NKAIN3: variants seen among roughly 807,000 people sequenced by gnomAD.
NKAIN3 encodes the protein sodium/potassium-transporting ATPase subunit beta-1-interacting protein 3.
Under a neutral mutation model 30.2 loss-of-function variants are expected in NKAIN3, and 25 were observed. That is an observed-to-expected ratio of 0.83 (90% CI 0.60 to 1.16). The LOEUF is 1.16. Among genes scored for constraint, NKAIN3 ranks in the 50% most tolerant of loss-of-function variants. The pLI is 0.00. For synonymous variants in NKAIN3, 91 were observed against 89.6 expected (o/e 1.02, Z -0.09); for missense variants, 225 against 254.1 (o/e 0.89, Z 0.78).
intron 1 of NKAIN3, among the ~76,000 whole-genome samples, chr8:62,321,566 A>C (rs562585897): frequency 2.6e-5 from 4 of 152,218 alleles, no homozygotes; most frequent in Non-Finnish European, 5.9e-5. Flanking sequence ...CTTCAGCTGC[A>C]GGTCTGTTGG....
At chr8:62,389,334 G>A (rs990568691) in intron 1 of NKAIN3, among the ~76,000 whole-genome samples, 2 of 152,144 alleles carry the variant, frequency 1.3e-5, no homozygotes, top group Non-Finnish European at 2.9e-5. Context: ...TATTTGTGGC[G>A]AGAAAATTTA....
intron 4 of NKAIN3, among the ~76,000 whole-genome samples, chr8:62,859,605 C>T (rs550802001): frequency 3.4e-5 from 5 of 145,230 alleles, no homozygotes; most frequent in South Asian, 4.5e-4. Flanking sequence ...TACATATATG[C>T]GTGTGTGTGT....
Position 62,680,446 on chromosome 8 carries a change from T to A in NKAIN3, c.274-66486T>A, listed in dbSNP as rs1200460900. 5.3e-5 allele frequency among the ~76,000 whole-genome samples: 8 copies of A among 152,342 alleles called. No individual in the cohort carries two copies. In the South Asian group the frequency reaches 1.4e-3, roughly 28 times the overall value. ...AGGCATAGAAAACTAATATAGATAG[T>A]AAAAGACATCTTATAATTGACCCAT... On this transcript the variant is annotated intron_variant, in intron 3 of 6. Transcript: ENST00000623646.
chr8:62,363,660 TGCCTTAAA>T (rs1816633942), intron 1 of NKAIN3, among the ~76,000 whole-genome samples: 2 of 152,132 alleles, frequency 1.3e-5, no homozygotes, highest in African/African-American at 4.8e-5. Flanking sequence ...ATGTTACAAG[TGCCTTAAA>T]TTGTCAGAGA....
chr8:62,649,522 T>C (rs1230534263), intron 3 of NKAIN3, among the ~76,000 whole-genome samples: 1 of 152,170 alleles, frequency 6.6e-6, no homozygotes, highest in East Asian at 1.9e-4. Context: ...TTTCTGTCAT[T>C]TGTACCCGAA....
chr8:62,701,672 C>T (rs1186087088), intron 3 of NKAIN3, among the ~76,000 whole-genome samples: 1 of 152,138 alleles, frequency 6.6e-6, no homozygotes, highest in Non-Finnish European at 1.5e-5. Context: ...CTCAGCTATT[C>T]AAATTAGCTC....
intron 1 of NKAIN3, among the ~76,000 whole-genome samples, chr8:62,527,440 A>G (rs1808339130): frequency 6.6e-6 from 1 of 152,176 alleles, no homozygotes; most frequent in Middle Eastern, 3.2e-3. Flanking sequence ...AACCTCATAA[A>G]CCATATCTTT....
intron 1 of NKAIN3, among the ~76,000 whole-genome samples, chr8:62,318,928 C>G (rs1379607191): frequency 2.0e-5 from 3 of 152,040 alleles, no homozygotes; most frequent in Admixed American, 6.5e-5. Flanking sequence ...CTCCTTGTAC[C>G]TCTGGTAGAA....
At chr8:62,280,669 G>T (rs889173773) in intron 1 of NKAIN3, among the ~76,000 whole-genome samples, 9 of 152,218 alleles carry the variant, frequency 5.9e-5, no homozygotes, top group East Asian at 1.9e-4. Flanking sequence ...TTATATGCTG[G>T]ATTACATTTA....
At chr8:62,865,266 C>T (rs1297445025) in intron 4 of NKAIN3, among the ~76,000 whole-genome samples, 1 of 152,166 alleles carries the variant, frequency 6.6e-6, no homozygotes, top group African/African-American at 2.4e-5. Context: ...AAAAAACGAT[C>T]CTCAGCTGGC....
chr8:62,274,723 C>T (rs575929668), intron 1 of NKAIN3, among the ~76,000 whole-genome samples: 2 of 151,994 alleles, frequency 1.3e-5, no homozygotes, highest in East Asian at 3.9e-4. Context: ...TTAGGTTTAT[C>T]TCCTAATGCT....
intron 3 of NKAIN3, among the ~76,000 whole-genome samples, chr8:62,636,842 G>A (rs1812145042): frequency 6.6e-6 from 1 of 152,140 alleles, no homozygotes; most frequent in Non-Finnish European, 1.5e-5. Context: ...AGTAATTAGT[G>A]ATGTTAAATT....
At position 62,966,084 on chromosome 8, in the gene NKAIN3, A is replaced by G; in HGVS notation, c.*677A>G. On this transcript the variant is annotated 3_prime_UTR_variant, in exon 7 of 7. Coordinates refer to ENST00000623646, the MANE Select transcript of NKAIN3 (RefSeq NM_001304533.3). Reference sequence around the variant, plus strand: ...ATGGAAGAGTAAAAGGATTAGTAGAACCCCTTTCCCCTTTGGAGGGAATAT... The same window carrying G: ...ATGGAAGAGTAAAAGGATTAGTAGAGCCCCTTTCCCCTTTGGAGGGAATAT... The G allele has an allele frequency of 3.0e-6, 3 of 983,956 alleles. No homozygotes were observed. The highest frequency in any genetic ancestry group is 3.6e-6 in the Non-Finnish European group (3 of 828,836). 61.0% of individuals were successfully genotyped at this position (983,956 alleles called of 1,614,324 possible).
In NKAIN3 at chr8:62,982,082, A is replaced by C. The variant is rs1824096302; in HGVS notation, c.*16675A>C. 1.3e-5 allele frequency: 2 copies of C among 152,170 alleles called. 1 individual carries two copies. Among genetic ancestry groups the C allele is most frequent in the South Asian group, 4.1e-4 (2 of 4,826 alleles). The allele number at this position is 152,170 out of a possible 1,614,324, so 9.4% of individuals were successfully genotyped here. On this transcript the variant is annotated 3_prime_UTR_variant, in exon 7 of 7. Coordinates refer to ENST00000623646, the MANE Select transcript of NKAIN3 (RefSeq NM_001304533.3). Reference sequence around the variant, plus strand: ...AGATAGAAAACTCATATAAAAATCTAAACTACAGTTTTATGGGGATAGTTA... The same window carrying C: ...AGATAGAAAACTCATATAAAAATCTCAACTACAGTTTTATGGGGATAGTTA...
chr8:62,499,658 GGTTA>G (rs1807356069), intron 1 of NKAIN3, among the ~76,000 whole-genome samples: 1 of 152,076 alleles, frequency 6.6e-6, no homozygotes, highest in South Asian at 2.1e-4. Context: ...CTTTAATTAA[GGTTA>G]GTTAGTGACA....
Position 62,746,958 on chromosome 8 carries a change from C to A in NKAIN3, c.300C>A (p.Ile100=). The A allele has an allele frequency of 1.9e-6, 3 of 1,612,624 alleles. No individual in the cohort carries two copies. In the East Asian group the frequency reaches 6.7e-5, roughly 36 times the overall value. Residue 100 remains isoleucine (I), a synonymous_variant, in exon 4 of 7, where the codon ATC becomes ATA. Transcript: ENST00000623646. The part of the protein sequence containing the change: ...SKDTDLMTFN[I]SVHRSWWREH... The stretch of plus-strand genomic sequence containing the variant: ...ACACCGATCTAATGACATTCAATAT[C>A]TCTGTACATCGGTCATGGTGGAGAG...
chr8:62,896,447 C>A (rs1465039245), intron 4 of NKAIN3, among the ~76,000 whole-genome samples: 2 of 152,138 alleles, frequency 1.3e-5, no homozygotes. Flanking sequence ...GAGTTTGACA[C>A]CCTCTCAAAG....
rs559506341 is a variant in NKAIN3 at position 62,365,767 on chromosome 8, A to G, written c.54+116640A>G. Among the ~76,000 whole-genome samples, 94 of 48,924 alleles carry G rather than the reference A, an allele frequency of 1.9e-3. No homozygotes were observed. The South Asian group carries it at 0.083, about 43-fold the overall frequency. 32.1% of individuals were successfully genotyped at this position (48,924 alleles called of 152,430 possible). ...CACTGATACCAATCAGTTCTTTCTCACTATAAAATTTTTTTTTTAATCTTT... is the reference window on the plus strand; with the variant it reads ...CACTGATACCAATCAGTTCTTTCTCGCTATAAAATTTTTTTTTTAATCTTT... On this transcript the variant is annotated intron_variant, in intron 1 of 6. Transcript: ENST00000623646.
chr8:62,849,786 G>A (rs1410696256), intron 4 of NKAIN3, among the ~76,000 whole-genome samples: 10 of 151,842 alleles, frequency 6.6e-5, no homozygotes, highest in South Asian at 4.2e-4. Context: ...ACATGAACTC[G>A]TCATTTTTTA....
Sources: gnomAD v4.1 joint callset for allele counts (sites outside exome capture counted in the v4.1 genomes callset) on GRCh38, gnomAD v4.1.1 for gene constraint, MANE v1.5 for transcripts, NCBI Gene and HGNC (gene_info 2026-07-23, HGNC 2026-07-21) for gene names.